Variants in TMEM131 observed in about 807,000 individuals in gnomAD.
The protein encoded by TMEM131 is 2610524E03Rik.
A neutral mutation model predicts 211.6 loss-of-function variants in TMEM131; 66 were observed. The ratio of observed to expected loss-of-function variants is 0.31; its 90% CI spans 0.26 to 0.38. The LOEUF (loss-of-function observed/expected upper bound fraction) is 0.38, where lower values mean the gene tolerates loss of function less well. Ranked by LOEUF, TMEM131 falls within the 10% of genes least tolerant of loss-of-function variation. The pLI is 1.00. For synonymous variants in TMEM131, 844 were observed against 841.3 expected, an observed-to-expected ratio of 1.00 and a Z score of -0.06; for missense variants, 2,036 against 2,299.3, an observed-to-expected ratio of 0.89 and a Z score of 2.34.
At chr2:97,757,421 C>G in intron 40 of TMEM131, 38 bp from the exon 41 acceptor site, 8 of 1,539,760 alleles carry the variant, frequency 5.2e-6, no homozygotes, top group Non-Finnish European at 7.0e-6. Context: ...CTGAGCCCGG[C>G]AGGCAGAGGG....
At chr2:97,762,424 T>C (rs970114273) in intron 35 of TMEM131, 4 of 448,702 alleles carry the variant, frequency 8.9e-6, no homozygotes, top group African/African-American at 8.4e-5. Flanking sequence ...CGGTCCCTGC[T>C]GTGTTGTGTG....
chr2:97,923,679 C>T (rs1300801165), intron 2 of TMEM131, among the ~76,000 whole-genome samples: 3 of 144,474 alleles, frequency 2.1e-5, no homozygotes, highest in Admixed American at 1.4e-4. Context: ...GTGTTTTCAA[C>T]TCACAAACAT....
chr2:97,802,016 G>A (rs1681059368), intron 24 of TMEM131, 55 bp from the exon 25 acceptor site: 1 of 1,230,230 alleles, frequency 8.1e-7, no homozygotes, highest in South Asian at 1.3e-5. Flanking sequence ...AGTTAAGGGA[G>A]TTATGGAGTG....
intron 5 of TMEM131, among the ~76,000 whole-genome samples, chr2:97,846,022 G>A (rs1399026367): frequency 6.6e-6 from 1 of 152,180 alleles, no homozygotes; most frequent in East Asian, 1.9e-4. Flanking sequence ...ATCTGCCAAA[G>A]CTCACTCAAA....
intron 3 of TMEM131, among the ~76,000 whole-genome samples, chr2:97,903,117 C>A (rs963689783): frequency 1.3e-5 from 2 of 152,132 alleles, no homozygotes; most frequent in African/African-American, 4.8e-5. Flanking sequence ...TCAATATTAT[C>A]TTCCACTAAA....
In TMEM131 at chr2:97,796,961, C is replaced by T. The variant is rs774282638; in HGVS notation, c.2896G>A (p.Val966Met). 1 of 1,613,782 alleles carries T rather than the reference C, an allele frequency of 6.2e-7. No individual in the cohort carries two copies. Among genetic ancestry groups the T allele is most frequent in the African/African-American group, 1.3e-5 (1 of 74,942 alleles). ...GTTGTTCCTTGTCCTTGGACCATCA[C>T]AGCATCCATCACAGTCAGGTTATTT... ...VRNNLTVMDAVMVQGQGTTEN... is the reference protein window; with the variant it reads ...VRNNLTVMDAMMVQGQGTTEN... Residue 966 changes from valine to methionine, a missense_variant, in exon 27 of 41, where the codon GTG becomes ATG. Val to Met is a conservative substitution (Grantham distance 21). This residue lies in a region of TMEM131 where 1,623 missense variants were observed against 1,805.9 expected (regional missense o/e 0.90). Transcript: ENST00000186436.
At chr2:97,892,699 T>TA (rs919899596) in intron 3 of TMEM131, among the ~76,000 whole-genome samples, 2 of 152,162 alleles carry the variant, frequency 1.3e-5, no homozygotes, top group Non-Finnish European at 2.9e-5. Flanking sequence ...TTTGGTATTT[T>TA]AAAGCTTTGT....
intron 1 of TMEM131, among the ~76,000 whole-genome samples, chr2:97,935,478 C>T (rs1468088506): frequency 6.6e-6 from 1 of 152,142 alleles, no homozygotes; most frequent in Non-Finnish European, 1.5e-5. Flanking sequence ...GTTCTACCTG[C>T]TCAATAGTTT....
chr2:97,800,179 T>A (rs1317170886), intron 25 of TMEM131, among the ~76,000 whole-genome samples: 1 of 152,186 alleles, frequency 6.6e-6, no homozygotes. Flanking sequence ...ATTTTAAGAC[T>A]GCAAGGGAGT....
chr2:97,974,349 C>T (rs1679435320), intron 1 of TMEM131, among the ~76,000 whole-genome samples: 2 of 152,098 alleles, frequency 1.3e-5, no homozygotes, highest in Admixed American at 1.3e-4. Context: ...GTGGGATCAA[C>T]TTCAAGCTGT....
chr2:97,900,609 C>T (rs904619341), intron 3 of TMEM131, among the ~76,000 whole-genome samples: 1 of 151,972 alleles, frequency 6.6e-6, no homozygotes, highest in African/African-American at 2.4e-5. Context: ...ATCCACGTGT[C>T]CACTGATGAA....
chr2:97,960,631 C>A (rs760775651), intron 1 of TMEM131, among the ~76,000 whole-genome samples: 2 of 152,074 alleles, frequency 1.3e-5, no homozygotes, highest in African/African-American at 2.4e-5. Flanking sequence ...AGAAATAAGA[C>A]TAATTCTATA....
Position 97,792,725 on chromosome 2 carries a change from T to G in TMEM131, c.3805A>C (p.Thr1269Pro). The G allele has an allele frequency of 1.2e-6, 2 of 1,614,032 alleles. No homozygotes were observed. The highest frequency in any genetic ancestry group is 1.7e-6 in the Non-Finnish European group (2 of 1,179,892). The change falls in exon 31 of 41, where the codon ACA (threonine) becomes CCA (proline). Residue 1269 changes from threonine to proline, a missense_variant. Physicochemically the swap from Thr to Pro is conservative, Grantham distance 38. Transcript: ENST00000186436. The part of the protein sequence containing the change: ...KTSPLVLDSN[T>P]VTQGHTAGRK... ...CCCGCTGTATGACCTTGAGTCACTG[T>G]GTTCGAATCTAAGACAAGGGGGCTT...
intron 25 of TMEM131, among the ~76,000 whole-genome samples, chr2:97,801,572 C>T (rs1681037104): frequency 6.6e-6 from 1 of 152,082 alleles, no homozygotes; most frequent in African/African-American, 2.4e-5. Context: ...TATTTTGATG[C>T]TTAATAAAAA....
intron 15 of TMEM131, among the ~76,000 whole-genome samples, chr2:97,813,067 T>G (rs1250212962): frequency 6.6e-6 from 1 of 152,092 alleles, no homozygotes; most frequent in Non-Finnish European, 1.5e-5. Flanking sequence ...TTATACGACA[T>G]AGTTGAGGGC....
At chr2:97,945,229 T>C (rs1677976166) in intron 1 of TMEM131, among the ~76,000 whole-genome samples, 1 of 152,184 alleles carries the variant, frequency 6.6e-6, no homozygotes, top group Non-Finnish European at 1.5e-5. Flanking sequence ...CCATATATTT[T>C]AGTATTCCAT....
intron 4 of TMEM131, among the ~76,000 whole-genome samples, chr2:97,866,163 G>T (rs1318569489): frequency 1.3e-5 from 2 of 152,216 alleles, no homozygotes; most frequent in Admixed American, 1.3e-4. Context: ...TTACAGGCGT[G>T]AGCCGCCGTG....
intron 33 of TMEM131, among the ~76,000 whole-genome samples, chr2:97,770,572 ACACT>A (rs774834263): frequency 2.0e-5 from 3 of 152,228 alleles, no homozygotes; most frequent in Non-Finnish European, 4.4e-5. Context: ...AAAGGTAATG[ACACT>A]CAAGCGACGT....
At chr2:97,773,069 A>C (rs1248153616) in intron 32 of TMEM131, among the ~76,000 whole-genome samples, 1 of 152,200 alleles carries the variant, frequency 6.6e-6, no homozygotes, top group Non-Finnish European at 1.5e-5. Context: ...CTTAAAAGAA[A>C]AGTTCAGTAG....
Sources: allele counts gnomAD v4.1 joint callset (sites outside exome capture counted in the v4.1 genomes callset), GRCh38; gene constraint gnomAD v4.1.1; regional missense constraint gnomAD v4.1.1; transcripts MANE v1.5; gene names NCBI Gene and HGNC (gene_info 2026-07-23, HGNC 2026-07-21).